SGCZ: variants seen among roughly 807,000 people sequenced by gnomAD.
SGCZ encodes sarcoglycan zeta.
Under a neutral mutation model 41.3 loss-of-function variants are expected in SGCZ, and 40 were observed. That is an observed-to-expected ratio of 0.97 (90% CI 0.75 to 1.26). The LOEUF (loss-of-function observed/expected upper bound fraction) is 1.26. Ranked by LOEUF, SGCZ falls within the 50% of genes most tolerant of loss-of-function variation. SGCZ has a pLI of 0.00. For synonymous variants in SGCZ, 206 were observed against 137.5 expected (o/e 1.50, Z -3.49); for missense variants, 552 against 369.8 (o/e 1.49, Z -4.04).
At chr8:14,551,495 ATATTATATATATTATATATATTATATAT>A (rs1466048541) in intron 2 of SGCZ, among the ~76,000 whole-genome samples, 28 of 1,362 alleles carry the variant, frequency 0.021, 9 homozygotes, top group African/African-American at 0.034. Flanking sequence ...TATATTATAT[ATATTATATATATTATATATATTATATAT>A]AATATATATA....
chr8:14,249,285 C>T (rs188155863), intron 3 of SGCZ, among the ~76,000 whole-genome samples: 3 of 152,238 alleles, frequency 2.0e-5, no homozygotes, highest in Admixed American at 6.5e-5. Context: ...ACACCATTGG[C>T]GCTTTTGATT....
At position 14,134,361 on chromosome 8, in the gene SGCZ, C is replaced by G. The variant is rs1298269299; in HGVS notation, c.548-26126G>C. 2.6e-5 allele frequency among the ~76,000 whole-genome samples: 4 copies of G among 152,164 alleles called. No homozygotes were observed. The East Asian group carries it at 5.8e-4, about 22-fold the overall frequency. On this transcript the variant is annotated intron_variant, in intron 5 of 7. Transcript: ENST00000382080. ...GTATCATGATGCAGGGAAAGGCAGC[C>G]TAATGGCCTGTAGAAGTATTCAAGC...
chr8:14,101,055 C>T (rs1802004815), intron 7 of SGCZ, among the ~76,000 whole-genome samples: 1 of 151,632 alleles, frequency 6.6e-6, no homozygotes, highest in Non-Finnish European at 1.5e-5. Flanking sequence ...CATGTATGAG[C>T]ATTTAAAATA....
At chr8:15,156,861 C>G (rs1161735080) in intron 1 of SGCZ, among the ~76,000 whole-genome samples, 1 of 150,860 alleles carries the variant, frequency 6.6e-6, no homozygotes, top group East Asian at 2.0e-4. Flanking sequence ...AGGAGATTCG[C>G]TTGAACCCAG....
chr8:14,213,638 G>A (rs1386724261), intron 4 of SGCZ, among the ~76,000 whole-genome samples: 1 of 151,636 alleles, frequency 6.6e-6, no homozygotes, highest in Non-Finnish European at 1.5e-5. Flanking sequence ...AAAAAAAAAT[G>A]GTAAACGTAG....
intron 2 of SGCZ, among the ~76,000 whole-genome samples, chr8:14,447,961 A>T (rs1021893938): frequency 2.6e-5 from 4 of 152,222 alleles, no homozygotes; most frequent in Admixed American, 2.0e-4. Flanking sequence ...TCAAGCTCTA[A>T]GAGCCCAAAC....
At chr8:14,762,904 T>C (rs1205602785) in intron 1 of SGCZ, among the ~76,000 whole-genome samples, 3 of 152,238 alleles carry the variant, frequency 2.0e-5, no homozygotes, top group Non-Finnish European at 4.4e-5. Flanking sequence ...ATTTTACATT[T>C]AAATTTCATC....
intron 1 of SGCZ, among the ~76,000 whole-genome samples, chr8:14,810,942 C>G (rs1333460916): frequency 6.6e-6 from 1 of 151,956 alleles, no homozygotes; most frequent in Non-Finnish European, 1.5e-5. Flanking sequence ...ACTTGGAAAA[C>G]AATTTTAAAA....
At chr8:14,177,087 G>C (rs1255100306) in intron 4 of SGCZ, among the ~76,000 whole-genome samples, 2 of 152,146 alleles carry the variant, frequency 1.3e-5, no homozygotes, top group Non-Finnish European at 2.9e-5. Context: ...CTGGGAAGGA[G>C]CATCTGTGGG....
chr8:14,418,927 C>T (rs1003795937), intron 2 of SGCZ, among the ~76,000 whole-genome samples: 2 of 151,932 alleles, frequency 1.3e-5, no homozygotes, highest in African/African-American at 4.8e-5. Flanking sequence ...ATGTACACTT[C>T]ATAACTGTAG....
chr8:14,287,580 G>A (rs921085319), intron 3 of SGCZ, among the ~76,000 whole-genome samples: 1 of 152,044 alleles, frequency 6.6e-6, no homozygotes, highest in Non-Finnish European at 1.5e-5. Flanking sequence ...AATGCTCTTT[G>A]AACTAGCATT....
intron 1 of SGCZ, among the ~76,000 whole-genome samples, chr8:15,052,606 G>A (rs1326571084): frequency 1.3e-5 from 2 of 152,014 alleles, no homozygotes; most frequent in Non-Finnish European, 2.9e-5. Flanking sequence ...CTCGTCATGT[G>A]GAGATGTTCC....
At chr8:15,180,365 T>C (rs959235007) in intron 1 of SGCZ, among the ~76,000 whole-genome samples, 15 of 152,200 alleles carry the variant, frequency 9.9e-5, no homozygotes, top group Non-Finnish European at 1.9e-4. Flanking sequence ...TGTTGGTATA[T>C]TGATTTGATA....
rs540772572 is a variant in SGCZ at position 14,884,307 on chromosome 8, G to A, written c.40-329381C>T. ...TTTTTGATGCACCTTATTGGGCTGA[G>A]TATATAATAAGTTTTACAATGACAC... is the stretch of plus-strand genomic sequence containing the variant. On this transcript the variant is annotated intron_variant, in intron 1 of 7. Coordinates refer to ENST00000382080, the MANE Select transcript of SGCZ (RefSeq NM_139167.4). Among the ~76,000 whole-genome samples, 3 of 152,212 alleles carry A rather than the reference G, an allele frequency of 2.0e-5. No individual in the cohort carries two copies. The East Asian group carries it at 5.8e-4, about 29-fold the overall frequency.
intron 1 of SGCZ, among the ~76,000 whole-genome samples, chr8:14,656,584 T>A (rs934313730): frequency 7.4e-6 from 1 of 134,386 alleles, no homozygotes; most frequent in Admixed American, 7.5e-5. Context: ...GCTTCTTTTC[T>A]TCTCTTCTCT....
chr8:14,639,038 C>CTTTTTTTTTTTTTTTTTTTT (rs148778266), intron 1 of SGCZ, among the ~76,000 whole-genome samples: 3 of 137,614 alleles, frequency 2.2e-5, no homozygotes, highest in African/African-American at 2.7e-5. Context: ...AAACTGGAAT[C>CTTTTTTTTTTTTTTTTTTTT]TTTTTTTTTT....
intron 4 of SGCZ, among the ~76,000 whole-genome samples, chr8:14,199,347 T>C (rs534361446): frequency 9.9e-4 from 150 of 152,282 alleles, no homozygotes; most frequent in African/African-American, 3.5e-3. Context: ...GTCAGACTGG[T>C]TGTCTGCTCT....
intron 2 of SGCZ, among the ~76,000 whole-genome samples, chr8:14,413,255 A>C (rs1321742738): frequency 6.6e-6 from 1 of 152,050 alleles, no homozygotes; most frequent in Non-Finnish European, 1.5e-5. Context: ...GTAATTATTC[A>C]ATCGACAAAG....
At chr8:14,558,574 T>TAGAGAGAGAGAGAGAGAGAGAGAG (rs146179658) in intron 1 of SGCZ, among the ~76,000 whole-genome samples, 27 of 99,790 alleles carry the variant, frequency 2.7e-4, no homozygotes, top group Non-Finnish European at 3.8e-4. Flanking sequence ...GAATGACTCT[T>TAGAGAGAGAGAGAGAGAGAGAGAG]AGAGAGAGAG....
Sources: allele counts gnomAD v4.1 joint callset (sites outside exome capture counted in the v4.1 genomes callset), GRCh38; gene constraint gnomAD v4.1.1; transcripts MANE v1.5; gene names NCBI Gene and HGNC (gene_info 2026-07-23, HGNC 2026-07-21).